Variants in SGMS1 observed in about 807,000 individuals in gnomAD.
SGMS1 encodes the protein sphingomyelin synthase 1.
Under a neutral mutation model 46.2 loss-of-function variants are expected in SGMS1, and 13 were observed. The ratio of observed to expected loss-of-function variants is 0.28; its 90% CI spans 0.18 to 0.45. The LOEUF (loss-of-function observed/expected upper bound fraction) is 0.45. SGMS1 is among the 20% of genes least tolerant of loss of function. The probability of loss-of-function intolerance (pLI) is 1.00; values close to 1 mark genes in which losing one functional copy is unlikely to be tolerated. For synonymous variants in SGMS1, 203 were observed against 187.8 expected, an observed-to-expected ratio of 1.08 and a Z score of -0.66; for missense variants, 324 against 519.9, an observed-to-expected ratio of 0.62 and a Z score of 3.66.
At chr10:50,437,787 T>C (rs1053124282) in intron 5 of SGMS1, among the ~76,000 whole-genome samples, 5 of 152,186 alleles carry the variant, frequency 3.3e-5, no homozygotes, top group Non-Finnish European at 5.9e-5. Context: ...TTAAAGAGAA[T>C]AGTAATCAGA....
At chr10:50,564,676 T>G (rs1462942278) in intron 2 of SGMS1, among the ~76,000 whole-genome samples, 1 of 152,196 alleles carries the variant, frequency 6.6e-6, no homozygotes, top group Non-Finnish European at 1.5e-5. Context: ...GTTAATGGAT[T>G]ACAATAAAAT....
chr10:50,352,275 C>T (rs1183162013), intron 6 of SGMS1, among the ~76,000 whole-genome samples: 1 of 152,032 alleles, frequency 6.6e-6, no homozygotes, highest in Non-Finnish European at 1.5e-5. Context: ...GTAAGAGTTA[C>T]TCTTCCCTGA....
chr10:50,587,667 G>GTGTGTA (rs1838499723), intron 2 of SGMS1, among the ~76,000 whole-genome samples: 1 of 151,694 alleles, frequency 6.6e-6, no homozygotes, highest in East Asian at 1.9e-4. Context: ...GTGTGTGTGT[G>GTGTGTA]TGTGTGTGTG....
intron 3 of SGMS1, among the ~76,000 whole-genome samples, chr10:50,469,509 T>C (rs910396433): frequency 1.9e-4 from 29 of 152,298 alleles, no homozygotes; most frequent in African/African-American, 6.0e-4. Context: ...TGGGACTCTA[T>C]GAGTAAGCAA....
At chr10:50,431,494 C>T (rs772733919) in intron 6 of SGMS1, among the ~76,000 whole-genome samples, 3 of 152,252 alleles carry the variant, frequency 2.0e-5, no homozygotes, top group Admixed American at 6.5e-5. Flanking sequence ...TTTCAGGGTT[C>T]GATTGCTTCC....
At chr10:50,569,578 C>T (rs1338914051) in intron 2 of SGMS1, among the ~76,000 whole-genome samples, 4 of 152,104 alleles carry the variant, frequency 2.6e-5, no homozygotes, top group Non-Finnish European at 5.9e-5. Flanking sequence ...CTTTACTGGT[C>T]ATTTGTCTGC....
intron 2 of SGMS1, among the ~76,000 whole-genome samples, chr10:50,557,512 T>G (rs1838198206): frequency 6.6e-6 from 1 of 152,026 alleles, no homozygotes; most frequent in Non-Finnish European, 1.5e-5. Flanking sequence ...AGAATAACTG[T>G]TTTGCTTTGG....
At chr10:50,591,038 C>T (rs184310737) in intron 1 of SGMS1, among the ~76,000 whole-genome samples, 25 of 152,248 alleles carry the variant, frequency 1.6e-4, no homozygotes, top group African/African-American at 5.8e-4. Context: ...CAAAGGTATT[C>T]AGATCCAATC....
chr10:50,314,425 T>C (rs754347614), intron 8 of SGMS1, among the ~76,000 whole-genome samples: 1 of 152,136 alleles, frequency 6.6e-6, no homozygotes, highest in Admixed American at 6.5e-5. Flanking sequence ...AGCTGAACCA[T>C]TCTAAGCCTC....
At chr10:50,381,521 A>T (rs1848605706) in intron 6 of SGMS1, among the ~76,000 whole-genome samples, 1 of 152,190 alleles carries the variant, frequency 6.6e-6, no homozygotes, top group African/African-American at 2.4e-5. Context: ...TTTTCTTTAG[A>T]TCCAATTGCT....
At position 50,305,861 on chromosome 10, in the gene SGMS1, TA is replaced by T. The variant is rs1276382023; in HGVS notation, c.*1280del. ...ATGGATATATATACTTCTTCATTCT[TA>T]AAAAACTATTTTGTTCTCCACATTG... On this transcript the variant is annotated 3_prime_UTR_variant, in exon 11 of 11. Coordinates refer to ENST00000361781, the MANE Select transcript of SGMS1 (RefSeq NM_147156.4). 6.5e-6 allele frequency: 1 copy of T among 152,724 alleles called. No individual in the cohort carries two copies. Among genetic ancestry groups the T allele is most frequent in the Non-Finnish European group, 1.5e-5 (1 of 68,006 alleles). The allele number at this position is 152,724 out of a possible 1,614,324, so 9.5% of individuals were successfully genotyped here. A position where few individuals can be genotyped will look rare whatever the true frequency, so the allele number is the denominator to read the frequency against.
intron 5 of SGMS1, among the ~76,000 whole-genome samples, chr10:50,438,675 T>C (rs1849504942): frequency 6.6e-6 from 1 of 152,082 alleles, no homozygotes; most frequent in African/African-American, 2.4e-5. Flanking sequence ...AAAAGGGAGG[T>C]GAAGTTCATG....
chr10:50,558,370 A>C (rs897879880), intron 2 of SGMS1, among the ~76,000 whole-genome samples: 24 of 152,148 alleles, frequency 1.6e-4, no homozygotes, highest in Non-Finnish European at 1.0e-4. Context: ...ACTGAATCTA[A>C]TTCCCAGACT....
At chr10:50,369,356 A>G (rs1419257694) in intron 6 of SGMS1, among the ~76,000 whole-genome samples, 1 of 152,076 alleles carries the variant, frequency 6.6e-6, no homozygotes, top group Non-Finnish European at 1.5e-5. Context: ...AAATTGGCCC[A>G]GTGTGATGGC....
chr10:50,351,192 G>A (rs1372071488), intron 6 of SGMS1, among the ~76,000 whole-genome samples: 1 of 152,172 alleles, frequency 6.6e-6, no homozygotes, highest in African/African-American at 2.4e-5. Flanking sequence ...ACTTACATGG[G>A]TCTGTAACCC....
intron 6 of SGMS1, among the ~76,000 whole-genome samples, chr10:50,427,090 T>C (rs1849335716): frequency 6.6e-6 from 1 of 152,178 alleles, no homozygotes; most frequent in South Asian, 2.1e-4. Context: ...AAAATTAATG[T>C]ATCATCTGTG....
At chr10:50,442,004 C>T (rs1849551962) in intron 5 of SGMS1, among the ~76,000 whole-genome samples, 1 of 152,102 alleles carries the variant, frequency 6.6e-6, no homozygotes, top group Non-Finnish European at 1.5e-5. Context: ...CAATGTTTCT[C>T]ATTTCAAAAA....
rs1363429884 is a variant in SGMS1 at position 50,404,039 on chromosome 10, T to C, written c.-232+29437A>G. On this transcript the variant is annotated intron_variant, in intron 6 of 10. Coordinates refer to ENST00000361781, the MANE Select transcript of SGMS1 (RefSeq NM_147156.4). ...TAATACATATGAAATAGGATGAATT[T>C]TCCTAATTTAAAATGAGCTCATACA... 3.3e-5 allele frequency among the ~76,000 whole-genome samples: 5 copies of C among 152,138 alleles called. 1 individual carries two copies. The Middle Eastern group carries it at 0.01, about 310-fold the overall frequency.
At chr10:50,368,057 T>A (rs750678371) in intron 6 of SGMS1, among the ~76,000 whole-genome samples, 1 of 152,220 alleles carries the variant, frequency 6.6e-6, no homozygotes, top group Non-Finnish European at 1.5e-5. Flanking sequence ...GTGACAAAAC[T>A]ATGTAATGGA....
Sources: gnomAD v4.1 joint callset for allele counts (sites outside exome capture counted in the v4.1 genomes callset) on GRCh38, gnomAD v4.1.1 for gene constraint, MANE v1.5 for transcripts, NCBI Gene and HGNC (gene_info 2026-07-23, HGNC 2026-07-21) for gene names.